The following CYREN variants were observed in gnomAD, a reference collection of about 807,000 sequenced individuals.
CYREN encodes the protein cell cycle regulator of NHEJ, also known as cell cycle regulator of non-homologous end joining.
In CYREN, 7 loss-of-function variants were observed where a neutral mutation model predicts 9.7. The ratio of observed to expected loss-of-function variants is 0.72; its 90% CI spans 0.41 to 1.36. CYREN has a LOEUF of 1.36. CYREN is among the 40% of genes most tolerant of loss of function. The probability of loss-of-function intolerance (pLI) is 0.01; values close to 1 mark genes in which losing one functional copy is unlikely to be tolerated. For missense variants in CYREN, 215 were observed against 198.1 expected (o/e 1.09, Z -0.51); for synonymous variants, 76 against 77.9 (o/e 0.98, Z 0.13).
chr7:135,140,227 T>A (rs1829428389), intron 2 of CYREN, among the ~76,000 whole-genome samples: 1 of 152,144 alleles, frequency 6.6e-6, no homozygotes, highest in Non-Finnish European at 1.5e-5. Flanking sequence ...TTGTGTCATT[T>A]CTTATTTTTT....
chr7:135,123,962 A>C (rs1453667877), intron 2 of CYREN, among the ~76,000 whole-genome samples: 1 of 152,210 alleles, frequency 6.6e-6, no homozygotes, highest in East Asian at 1.9e-4. Context: ...AAGACCAATG[A>C]CACTATGAAG....
At chr7:135,147,903 A>T (rs1053436126) in intron 2 of CYREN, 1 of 455,982 alleles carries the variant, frequency 2.2e-6, no homozygotes, top group Admixed American at 2.4e-5. Context: ...CTGGCTCTTT[A>T]AATCAGTTGG....
At chr7:135,153,370 C>T (rs1829708963) in intron 2 of CYREN, among the ~76,000 whole-genome samples, 1 of 145,144 alleles carries the variant, frequency 6.9e-6, no homozygotes, top group Admixed American at 7.3e-5. Flanking sequence ...AGAAGAATTG[C>T]TTGAACCTGG....
At chr7:135,095,894 G>A (rs1230975303) in intron 2 of CYREN, among the ~76,000 whole-genome samples, 1 of 152,180 alleles carries the variant, frequency 6.6e-6, no homozygotes, top group South Asian at 2.1e-4. Flanking sequence ...GCTCACGCCT[G>A]TAATCCCAGC....
At chr7:135,167,393 C>G in intron 3 of CYREN, 1 of 1,140,202 alleles carries the variant, frequency 8.8e-7, no homozygotes, top group Non-Finnish European at 1.1e-6. Flanking sequence ...AAGAAGTCAT[C>G]TACCCAACTG....
In CYREN at chr7:135,142,825, CTAAA is replaced by C. The variant is rs1214544525; in HGVS notation, n.356+25920_356+25923del. Among the ~76,000 whole-genome samples the C allele has an allele frequency of 2.0e-5, 3 of 151,914 alleles. No homozygotes were observed. The East Asian group carries it at 5.8e-4, about 29-fold the overall frequency. On this transcript the variant is annotated intron_variant and non_coding_transcript_variant, in intron 2 of 2. Transcript: ENST00000459937. ...TGAAAAAAAAACTACTAAAGAATAA[CTAAA>C]TAAATGGAAAGACAGTCTGTGTTCA... is the stretch of plus-strand genomic sequence containing the variant.
intron 2 of CYREN, chr7:135,115,766 C>A: frequency 1.7e-6 from 1 of 590,272 alleles, no homozygotes; most frequent in South Asian, 2.6e-5. Context: ...CCAAAGCTGT[C>A]AGAAAACACT....
intron 2 of CYREN, among the ~76,000 whole-genome samples, chr7:135,155,110 TTTTAA>T (rs1159777707): frequency 6.6e-6 from 1 of 152,232 alleles, no homozygotes; most frequent in Non-Finnish European, 1.5e-5. Context: ...TTCTTACTAT[TTTTAA>T]TTTAAAGTCA....
rs1014374176 is a variant in CYREN at position 135,167,128 on chromosome 7, G to T, written c.214-257C>A. ...GGCATGAGGATTAGCTGAGGGGAAAGGAAAAAGAAATGGAAGAAACATGTC... is the reference window on the plus strand; with the variant it reads ...GGCATGAGGATTAGCTGAGGGGAAATGAAAAAGAAATGGAAGAAACATGTC... On this transcript the variant is annotated intron_variant, in intron 3 of 3. Transcript: ENST00000393114. 5.1e-6 allele frequency: 5 copies of T among 985,260 alleles called. No individual in the cohort carries two copies. The African/African-American group carries it at 8.7e-5, about 17-fold the overall frequency. 61.0% of individuals were successfully genotyped at this position (985,260 alleles called of 1,614,324 possible). A position where few individuals can be genotyped will look rare whatever the true frequency, so the allele number is the denominator to read the frequency against.
At chr7:135,094,903 A>G (rs1184666471) in intron 2 of CYREN, among the ~76,000 whole-genome samples, 1 of 152,216 alleles carries the variant, frequency 6.6e-6, no homozygotes, top group Non-Finnish European at 1.5e-5. Context: ...GCAAGGAAAA[A>G]TTATATACAG....
At chr7:135,142,054 G>A (rs1312202736) in intron 2 of CYREN, among the ~76,000 whole-genome samples, 1 of 152,050 alleles carries the variant, frequency 6.6e-6, no homozygotes, top group Non-Finnish European at 1.5e-5. Flanking sequence ...GTAGATGTCT[G>A]TTAGGTCCAT....
At position 135,129,223 on chromosome 7, in the gene CYREN, T is replaced by C. The variant is rs1385418265; in HGVS notation, n.357-34641A>G. On this transcript the variant is annotated intron_variant and non_coding_transcript_variant, in intron 2 of 2. Transcript: ENST00000459937. ...CACGCATGCTGCCAGCTGCCTGTGA[T>C]GCAGGAGCCTGGCTACATCATGGGT... The C allele has an allele frequency of 2.8e-6, 4 of 1,452,150 alleles. No homozygotes were observed. In the African/African-American group the frequency reaches 5.6e-5, roughly 20 times the overall value. 90.0% of individuals were successfully genotyped at this position (1,452,150 alleles called of 1,614,324 possible).
At chr7:135,145,535 G>A (rs1025640857) in intron 2 of CYREN, among the ~76,000 whole-genome samples, 1 of 152,140 alleles carries the variant, frequency 6.6e-6, no homozygotes, top group South Asian at 2.1e-4. Flanking sequence ...GCCTTTCTCA[G>A]GAAGATATAG....
intron 2 of CYREN, among the ~76,000 whole-genome samples, chr7:135,150,518 G>A (rs1339761279): frequency 6.6e-6 from 1 of 152,202 alleles, no homozygotes; most frequent in Non-Finnish European, 1.5e-5. Flanking sequence ...CACTAACAGA[G>A]TTACAAGATG....
At chr7:135,168,626 G>T in intron 2 of CYREN, 160 bp downstream of exon 2, 1 of 1,170,400 alleles carries the variant, frequency 8.5e-7, no homozygotes, top group Non-Finnish European at 1.2e-6. Flanking sequence ...TTTGCCTCCC[G>T]CCCACAGCCC....
At chr7:135,110,085 T>G (rs1015697354) in intron 2 of CYREN, among the ~76,000 whole-genome samples, 3 of 151,802 alleles carry the variant, frequency 2.0e-5, no homozygotes, top group African/African-American at 7.3e-5. Context: ...ACAGCAAAGA[T>G]AGTGGTTCAC....
upstream of CYREN, among the ~76,000 whole-genome samples, chr7:135,171,154 G>GT (rs2117581960): frequency 6.6e-6 from 1 of 152,126 alleles, no homozygotes; most frequent in African/African-American, 2.4e-5. Context: ...ATAGAATAGC[G>GT]TAAGTACTAA....
rs547978063 is a variant in CYREN, at chr7:135,110,959, T to C, written n.357-16377A>G. On this transcript the variant is annotated intron_variant and non_coding_transcript_variant, in intron 2 of 2. Transcript: ENST00000459937. ...CATTACCAAATGGCATTATACATTCTTGTTTGCATAATTTATATATACATA... is the reference window on the plus strand; with the variant it reads ...CATTACCAAATGGCATTATACATTCCTGTTTGCATAATTTATATATACATA... Among the ~76,000 whole-genome samples the C allele has an allele frequency of 3.9e-5, 6 of 152,348 alleles. No individual in the cohort carries two copies. In the East Asian group the frequency reaches 1.2e-3, roughly 29 times the overall value.
intron 2 of CYREN, among the ~76,000 whole-genome samples, chr7:135,108,418 C>T (rs1282253117): frequency 6.6e-6 from 1 of 152,188 alleles, no homozygotes; most frequent in Non-Finnish European, 1.5e-5. Context: ...TGAACTCCCT[C>T]AGCATTGGCT....
Sources: allele counts gnomAD v4.1 joint callset (sites outside exome capture counted in the v4.1 genomes callset), GRCh38; gene constraint gnomAD v4.1.1; transcripts MANE v1.5; gene names NCBI Gene and HGNC (gene_info 2026-07-23, HGNC 2026-07-21).